SNTB1: variants seen among roughly 807,000 people sequenced by gnomAD.
The protein encoded by SNTB1 is beta-1-syntrophin.
In SNTB1, 36 loss-of-function variants were observed where a neutral mutation model predicts 48.9. The ratio of observed to expected loss-of-function variants is 0.74; its 90% CI spans 0.56 to 0.97. The LOEUF (loss-of-function observed/expected upper bound fraction) is 0.97. Among genes scored for constraint, SNTB1 ranks in the 50% least tolerant of loss-of-function variants. The probability of loss-of-function intolerance (pLI) is 0.00; values close to 1 mark genes in which losing one functional copy is unlikely to be tolerated. For missense variants in SNTB1, 786 were observed against 703.4 expected, an observed-to-expected ratio of 1.12 and a Z score of -1.33; for synonymous variants, 299 against 294.6, an observed-to-expected ratio of 1.01 and a Z score of -0.15.
At chr8:120,769,194 G>A (rs1819577921) in intron 1 of SNTB1, 1 of 152,170 alleles carries the variant, frequency 6.6e-6, no homozygotes, top group Non-Finnish European at 1.5e-5. Context: ...GCTGGAGGAA[G>A]TGTGGCTTTT....
At chr8:120,775,328 T>C (rs76824887) in intron 1 of SNTB1, 4 of 152,248 alleles carry the variant, frequency 2.6e-5, no homozygotes, top group Non-Finnish European at 5.9e-5. Flanking sequence ...ATCCTGGTGA[T>C]CCCAGCTTCA....
intron 2 of SNTB1, among the ~76,000 whole-genome samples, chr8:120,665,729 A>T (rs1817663927): frequency 6.6e-6 from 1 of 152,214 alleles, no homozygotes; most frequent in African/African-American, 2.4e-5. Context: ...ATACATTTGA[A>T]GGAATTTTTG....
intron 1 of SNTB1, among the ~76,000 whole-genome samples, chr8:120,738,545 T>TTTTCTTCC (rs1818988074): frequency 7.4e-6 from 1 of 135,728 alleles, no homozygotes; most frequent in Non-Finnish European, 1.6e-5. Flanking sequence ...TCCTTCCTTC[T>TTTTCTTCC]TTCCTTCCTT....
chr8:120,736,947 CTG>C (rs1563585048), intron 1 of SNTB1, among the ~76,000 whole-genome samples: 2 of 152,154 alleles, frequency 1.3e-5, no homozygotes. Flanking sequence ...TTCCTTCTTT[CTG>C]TGTCTCACTT....
intron 2 of SNTB1, among the ~76,000 whole-genome samples, chr8:120,686,215 T>G (rs991220073): frequency 5.9e-5 from 9 of 152,228 alleles, no homozygotes; most frequent in African/African-American, 2.2e-4. Flanking sequence ...CCAAAACCAC[T>G]TCTACATTTT....
chr8:120,555,917 G>A (rs1007344384), intron 4 of SNTB1, among the ~76,000 whole-genome samples: 1 of 152,170 alleles, frequency 6.6e-6, no homozygotes, highest in Non-Finnish European at 1.5e-5. Flanking sequence ...AAGCCAGGAA[G>A]ACAGTCCTCA....
rs138723707 is a variant in SNTB1, at chr8:120,693,708, C to T, written c.772G>A (p.Ala258Thr). ...CCTATTTACCTGTTCTCAGGGTCGG[C>T]CAAGGCCATACTCCGAGTGACGTAG... ...MCYVTRSMAL[A>T]DPENRQLEIH... Residue 258 changes from alanine to threonine, a missense_variant, in exon 2 of 7, where the codon GCC becomes ACC. Coordinates refer to ENST00000517992, the MANE Select transcript of SNTB1 (RefSeq NM_021021.4). The T allele has an allele frequency of 1.2e-6, 2 of 1,613,878 alleles. No individual in the cohort carries two copies. Among genetic ancestry groups the T allele is most frequent in the South Asian group, 2.2e-5 (2 of 91,022 alleles).
In SNTB1 at chr8:120,811,908, G is replaced by A. The variant is rs1044032767; in HGVS notation, c.-65C>T. On this transcript the variant is annotated 5_prime_UTR_variant, in exon 1 of 7. Transcript: ENST00000517992. Reference sequence around the variant, plus strand: ...GGGGAAAAGTGGGGAAGGGTGGCCGGGGGGAGGACGCGGGGCCCGGGGGAG... The same window carrying A: ...GGGGAAAAGTGGGGAAGGGTGGCCGAGGGGAGGACGCGGGGCCCGGGGGAG... 1.6e-6 allele frequency: 2 copies of A among 1,290,004 alleles called. No homozygotes were observed. Among genetic ancestry groups the A allele is most frequent in the African/African-American group, 1.6e-5 (1 of 64,238 alleles). The allele number at this position is 1,290,004 out of a possible 1,614,324, so 79.9% of individuals were successfully genotyped here. A position where few individuals can be genotyped will look rare whatever the true frequency, so the allele number is the denominator to read the frequency against.
chr8:120,772,303 T>A (rs1247201624), intron 1 of SNTB1, among the ~76,000 whole-genome samples: 2 of 151,762 alleles, frequency 1.3e-5, no homozygotes, highest in African/African-American at 4.8e-5. Context: ...TGGAGTGCAG[T>A]GGCGTGATCT....
chr8:120,635,132 G>A (rs2130757248), intron 2 of SNTB1, among the ~76,000 whole-genome samples: 1 of 152,268 alleles, frequency 6.6e-6, no homozygotes, highest in East Asian at 1.9e-4. Context: ...TTTATGTGAT[G>A]GAACAGGGAA....
chr8:120,749,494 A>G lies in SNTB1; in HGVS notation c.572-55586T>C, dbSNP rs150905974. 3.4e-3 allele frequency among the ~76,000 whole-genome samples: 515 copies of G among 152,142 alleles called. 10 individuals are homozygous for G. The highest frequency in any genetic ancestry group is 0.022 in the Admixed American group (342 of 15,272). ...TGGATCAATATACTCTGCATAAACC[A>G]CTACAGCCTCTCTATGTATCTACGT... On this transcript the variant is annotated intron_variant, in intron 1 of 6. Coordinates refer to ENST00000517992, the MANE Select transcript of SNTB1 (RefSeq NM_021021.4).
intron 2 of SNTB1, among the ~76,000 whole-genome samples, chr8:120,690,877 A>G (rs1818113543): frequency 6.6e-6 from 1 of 152,176 alleles, no homozygotes; most frequent in Non-Finnish European, 1.5e-5. Context: ...TCTTCTTGTT[A>G]GAAGCAGTTT....
At chr8:120,772,070 A>C (rs186949035) in intron 1 of SNTB1, among the ~76,000 whole-genome samples, 1 of 151,858 alleles carries the variant, frequency 6.6e-6, no homozygotes, top group South Asian at 2.1e-4. Flanking sequence ...AGGTTTCACC[A>C]TGTTGGCCAG....
chr8:120,598,720 G>A (rs1318820552), intron 3 of SNTB1, among the ~76,000 whole-genome samples: 2 of 152,118 alleles, frequency 1.3e-5, no homozygotes, highest in African/African-American at 4.8e-5. Context: ...GAATTAATGG[G>A]GGAAAGTCAA....
intron 1 of SNTB1, among the ~76,000 whole-genome samples, chr8:120,715,774 T>C (rs1454729499): frequency 1.3e-5 from 2 of 152,190 alleles, no homozygotes; most frequent in Non-Finnish European, 2.9e-5. Context: ...GTTTCATTTA[T>C]TGAGTGCGCC....
At chr8:120,790,299 G>T (rs1265611520) in intron 1 of SNTB1, among the ~76,000 whole-genome samples, 1 of 151,782 alleles carries the variant, frequency 6.6e-6, no homozygotes, top group Admixed American at 6.6e-5. Context: ...GGGAAAAAAT[G>T]GAAAGCATTG....
At chr8:120,709,726 A>C (rs563700484) in intron 1 of SNTB1, among the ~76,000 whole-genome samples, 2 of 152,218 alleles carry the variant, frequency 1.3e-5, no homozygotes, top group South Asian at 4.1e-4. Flanking sequence ...CTGTGTTGGG[A>C]AAGTCTGCCT....
At chr8:120,780,747 A>G (rs966884554) in intron 1 of SNTB1, among the ~76,000 whole-genome samples, 5 of 152,364 alleles carry the variant, frequency 3.3e-5, no homozygotes, top group African/African-American at 1.2e-4. Flanking sequence ...ATAGCAGTTT[A>G]GTTCATGTTT....
chr8:120,649,853 G>A (rs199683093), intron 2 of SNTB1, among the ~76,000 whole-genome samples: 5 of 152,014 alleles, frequency 3.3e-5, no homozygotes, highest in African/African-American at 4.8e-5. Context: ...AGCCAGGTGT[G>A]GGATATAATC....
Sources: gnomAD v4.1 joint callset for allele counts (sites outside exome capture counted in the v4.1 genomes callset) on GRCh38, gnomAD v4.1.1 for gene constraint, MANE v1.5 for transcripts, NCBI Gene and HGNC (gene_info 2026-07-23, HGNC 2026-07-21) for gene names.